RIMS2: variants seen among roughly 807,000 people sequenced by gnomAD.
RIMS2 encodes regulating synaptic membrane exocytosis 2, also known as regulating synaptic membrane exocytosis protein 2.
RIMS2 carries 59 observed loss-of-function variants against 174.4 expected under a neutral mutation model. That is an observed-to-expected ratio of 0.34 (90% CI 0.27 to 0.42). RIMS2 has a LOEUF of 0.42. RIMS2 is among the 10% of genes least tolerant of loss of function. The pLI is 1.00. For missense variants in RIMS2, 1,620 were observed against 1,666.3 expected (o/e 0.97, Z 0.48); for synonymous variants, 606 against 572.5 (o/e 1.06, Z -0.84).
intron 1 of RIMS2, among the ~76,000 whole-genome samples, chr8:103,577,640 A>C (rs1415781647): frequency 6.6e-6 from 1 of 152,222 alleles, no homozygotes; most frequent in African/African-American, 2.4e-5. Flanking sequence ...TAATACAGTT[A>C]CTGTGTGATC....
intron 1 of RIMS2, among the ~76,000 whole-genome samples, chr8:103,602,000 G>C (rs1264653343): frequency 6.6e-6 from 1 of 151,430 alleles, no homozygotes; most frequent in Non-Finnish European, 1.5e-5. Flanking sequence ...TTTTTGAGAT[G>C]GTGTCTCACT....
chr8:103,973,174 T>C (rs1357686274), intron 15 of RIMS2, among the ~76,000 whole-genome samples: 1 of 152,250 alleles, frequency 6.6e-6, no homozygotes, highest in African/African-American at 2.4e-5. Flanking sequence ...GAGCAGAATG[T>C]ACTATTGGGA....
chr8:103,895,323 T>A (rs1005272011), intron 4 of RIMS2, among the ~76,000 whole-genome samples: 12 of 151,578 alleles, frequency 7.9e-5, no homozygotes, highest in Non-Finnish European at 1.5e-4. Flanking sequence ...AAAAAGCAGA[T>A]GTTTATTTTT....
chr8:103,658,500 T>G (rs1255602393), intron 1 of RIMS2, among the ~76,000 whole-genome samples: 3 of 152,218 alleles, frequency 2.0e-5, no homozygotes, highest in Non-Finnish European at 4.4e-5. Flanking sequence ...GCTGTATACT[T>G]TGGTTTGTCA....
At chr8:104,019,294 A>G (rs1236723106) in intron 19 of RIMS2, among the ~76,000 whole-genome samples, 1 of 152,208 alleles carries the variant, frequency 6.6e-6, no homozygotes, top group East Asian at 1.9e-4. Context: ...TCAGAATTGA[A>G]TACTAATCTT....
intron 1 of RIMS2, among the ~76,000 whole-genome samples, chr8:103,580,925 G>A (rs1028114915): frequency 8.8e-5 from 13 of 148,456 alleles, no homozygotes; most frequent in Non-Finnish European, 1.3e-4. Flanking sequence ...CGCCTCCTGG[G>A]TTCACGCCAT....
At chr8:103,895,469 G>A (rs2099272391) in intron 4 of RIMS2, among the ~76,000 whole-genome samples, 1 of 151,350 alleles carries the variant, frequency 6.6e-6, no homozygotes, top group Non-Finnish European at 1.5e-5. Context: ...TCTCTCTTGT[G>A]TTTCTTCTTA....
chr8:103,687,579 T>G (rs1305565176), intron 1 of RIMS2, among the ~76,000 whole-genome samples: 3 of 152,086 alleles, frequency 2.0e-5, no homozygotes, highest in Admixed American at 2.0e-4. Flanking sequence ...TATATTGTTA[T>G]TAACTATAGA....
intron 19 of RIMS2, among the ~76,000 whole-genome samples, chr8:104,143,987 A>G (rs1411808196): frequency 2.6e-5 from 4 of 152,192 alleles, no homozygotes; most frequent in Admixed American, 2.0e-4. Context: ...ATTCAAACCT[A>G]TAAATGAAAA....
chr8:103,597,726 TA>T (rs1211090188), intron 1 of RIMS2, among the ~76,000 whole-genome samples: 5 of 138,582 alleles, frequency 3.6e-5, no homozygotes, highest in East Asian at 3.9e-4. Flanking sequence ...CTCATGTTAT[TA>T]TTTTTTTTTT....
chr8:104,182,197 T>A (rs1455523714), intron 19 of RIMS2, among the ~76,000 whole-genome samples: 1 of 151,890 alleles, frequency 6.6e-6, no homozygotes, highest in Non-Finnish European at 1.5e-5. Context: ...AGCATGTTTT[T>A]ATACAACGGG....
At chr8:104,123,972 A>G (rs1388697372) in intron 19 of RIMS2, among the ~76,000 whole-genome samples, 1 of 152,184 alleles carries the variant, frequency 6.6e-6, no homozygotes, top group African/African-American at 2.4e-5. Context: ...AAAATAAAGT[A>G]TGCCTATATG....
chr8:103,724,961 C>T (rs773808635), intron 2 of RIMS2, among the ~76,000 whole-genome samples: 43 of 151,998 alleles, frequency 2.8e-4, no homozygotes, highest in Non-Finnish European at 5.1e-4. Flanking sequence ...TGGACCACCC[C>T]GGCTATAGAC....
chr8:104,095,412 A>AG (rs1243846118), intron 19 of RIMS2, among the ~76,000 whole-genome samples: 1 of 152,172 alleles, frequency 6.6e-6, no homozygotes, highest in Non-Finnish European at 1.5e-5. Context: ...GCCTTTCTTA[A>AG]ACTCAATCCA....
At chr8:104,111,047 A>G (rs1383772381) in intron 19 of RIMS2, among the ~76,000 whole-genome samples, 1 of 152,140 alleles carries the variant, frequency 6.6e-6, no homozygotes, top group African/African-American at 2.4e-5. Flanking sequence ...TTATGGTACA[A>G]AATATGGGGT....
chr8:103,808,775 C>A (rs2098667443), intron 3 of RIMS2, among the ~76,000 whole-genome samples: 2 of 152,202 alleles, frequency 1.3e-5, no homozygotes, highest in South Asian at 4.1e-4. Context: ...ATTCTTTTTT[C>A]TCTATCTTGT....
chr8:104,068,214 T>G (rs753347334), intron 19 of RIMS2, among the ~76,000 whole-genome samples: 2 of 152,356 alleles, frequency 1.3e-5, no homozygotes, highest in East Asian at 3.9e-4. Flanking sequence ...TCAAATGTAT[T>G]CTGGACATAC....
intron 19 of RIMS2, among the ~76,000 whole-genome samples, chr8:104,203,993 A>G (rs1367515295): frequency 2.0e-5 from 3 of 152,206 alleles, no homozygotes; most frequent in Admixed American, 2.0e-4. Context: ...GACAGTTCCT[A>G]AGTCTACAAA....
chr8:103,543,187 T>C (rs1025591444), intron 1 of RIMS2, among the ~76,000 whole-genome samples: 2 of 152,102 alleles, frequency 1.3e-5, no homozygotes, highest in African/African-American at 2.4e-5. Flanking sequence ...GGATACAAAA[T>C]CAACCTACAC....
Sources: allele counts gnomAD v4.1 joint callset (sites outside exome capture counted in the v4.1 genomes callset), GRCh38; gene constraint gnomAD v4.1.1; transcripts MANE v1.5; gene names NCBI Gene and HGNC (gene_info 2026-07-23, HGNC 2026-07-21).